The following CDH8 variants were observed in gnomAD, a reference collection of about 807,000 sequenced individuals.
CDH8 encodes cadherin 8.
Under a neutral mutation model 68.1 loss-of-function variants are expected in CDH8, and 17 were observed. The observed-to-expected ratio is 0.25, with a 90% CI of 0.17 to 0.37. The LOEUF (loss-of-function observed/expected upper bound fraction) is 0.37, where lower values mean the gene tolerates loss of function less well. Among genes scored for constraint, CDH8 ranks in the 10% least tolerant of loss-of-function variants. The pLI is 1.00. For missense variants in CDH8, 763 were observed against 999.3 expected (o/e 0.76, Z 3.19); for synonymous variants, 372 against 365.1 (o/e 1.02, Z -0.21).
intron 8 of CDH8, among the ~76,000 whole-genome samples, chr16:61,782,506 T>C (rs1961099538): frequency 6.6e-6 from 1 of 151,778 alleles, no homozygotes; most frequent in South Asian, 2.1e-4. Flanking sequence ...GCAGCGAGGC[T>C]GGGGGAGGGG....
intron 10 of CDH8, among the ~76,000 whole-genome samples, chr16:61,696,655 A>T (rs8061458): frequency 0.058 from 8,889 of 152,266 alleles, 905 homozygotes; most frequent in African/African-American, 0.2. Flanking sequence ...GGACACATGC[A>T]TGCACTATCA....
At chr16:61,916,000 G>A (rs79019109) in intron 2 of CDH8, among the ~76,000 whole-genome samples, 21,573 of 152,118 alleles carry the variant, frequency 0.14, 2,176 homozygotes, top group East Asian at 0.3. Context: ...AATACCACCC[G>A]TTAACAAATA....
intron 9 of CDH8, among the ~76,000 whole-genome samples, chr16:61,715,619 T>A (rs1440327531): frequency 1.3e-5 from 2 of 151,624 alleles, no homozygotes; most frequent in Non-Finnish European, 3.0e-5. Context: ...GATAAATCTT[T>A]TATAAATGTA....
intron 2 of CDH8, among the ~76,000 whole-genome samples, chr16:62,005,732 CT>C (rs1245020214): frequency 2.2e-5 from 2 of 90,600 alleles, no homozygotes; most frequent in Non-Finnish European, 2.2e-5. Context: ...TAGACTTCGT[CT>C]TAAAAAAAAA....
chr16:61,680,907 G>A (rs931674499), intron 10 of CDH8, among the ~76,000 whole-genome samples: 8 of 151,674 alleles, frequency 5.3e-5, no homozygotes, highest in African/African-American at 1.9e-4. Flanking sequence ...TTTAGTACAG[G>A]GCAAAGGGCA....
At chr16:61,690,465 T>A (rs768349682) in intron 10 of CDH8, among the ~76,000 whole-genome samples, 54 of 152,104 alleles carry the variant, frequency 3.6e-4, no homozygotes, top group Non-Finnish European at 4.9e-4. Flanking sequence ...AAAAATGAGG[T>A]TTTAAGGAAT....
chr16:61,816,719 G>A (rs887149762), intron 7 of CDH8, among the ~76,000 whole-genome samples: 4 of 151,856 alleles, frequency 2.6e-5, no homozygotes, highest in Non-Finnish European at 5.9e-5. Context: ...AACCTGTACT[G>A]TCATTTGGGT....
intron 10 of CDH8, among the ~76,000 whole-genome samples, chr16:61,678,646 C>G (rs1963959116): frequency 6.6e-6 from 1 of 151,968 alleles, no homozygotes; most frequent in Admixed American, 6.6e-5. Flanking sequence ...AAGAACAAAG[C>G]TGGAGGTATC....
rs115243986 is a variant in CDH8, at chr16:61,919,803, A to G, written c.253-18330T>C. ...AGGCAGGCCAACGAACAAAGAACAA[A>G]GAAACAAAAGAACAAAGCTGGAGGC... On this transcript the variant is annotated intron_variant, in intron 2 of 11. Transcript: ENST00000577390. 8.4e-3 allele frequency among the ~76,000 whole-genome samples: 1,284 copies of G among 152,220 alleles called. 16 individuals are homozygous for G. Among genetic ancestry groups the G allele is most frequent in the African/African-American group, 0.029 (1,206 of 41,538 alleles).
At chr16:61,715,474 T>A (rs1964711184) in intron 9 of CDH8, among the ~76,000 whole-genome samples, 1 of 151,648 alleles carries the variant, frequency 6.6e-6, no homozygotes, top group Non-Finnish European at 1.5e-5. Flanking sequence ...GTGTTTTGAT[T>A]ATGGATTTAA....
intron 2 of CDH8, among the ~76,000 whole-genome samples, chr16:61,927,748 C>T (rs1964477703): frequency 6.6e-6 from 1 of 152,122 alleles, no homozygotes; most frequent in Non-Finnish European, 1.5e-5. Context: ...GTTGTGATGC[C>T]TCAGTAGACA....
intron 4 of CDH8, among the ~76,000 whole-genome samples, chr16:61,853,712 C>T (rs933532181): frequency 1.2e-4 from 18 of 152,144 alleles, no homozygotes; most frequent in East Asian, 7.7e-4. Flanking sequence ...TCTTAGGTAA[C>T]GAGTCTCTGC....
chr16:61,661,605 A>G (rs1331071699), intron 10 of CDH8, among the ~76,000 whole-genome samples: 1 of 151,846 alleles, frequency 6.6e-6, no homozygotes, highest in Non-Finnish European at 1.5e-5. Flanking sequence ...CTTAGAGGGA[A>G]ATTTATAGCT....
chr16:61,951,308 G>A (rs1028260226), intron 2 of CDH8, among the ~76,000 whole-genome samples: 2 of 151,834 alleles, frequency 1.3e-5, no homozygotes, highest in African/African-American at 4.8e-5. Context: ...TCAGGAGATC[G>A]AGACCATCCT....
intron 1 of CDH8, among the ~76,000 whole-genome samples, chr16:62,031,504 C>A (rs368498915): frequency 6.6e-6 from 1 of 152,102 alleles, no homozygotes; most frequent in Non-Finnish European, 1.5e-5. Context: ...TAGCCCTGAA[C>A]CATCCATCGT....
chr16:61,907,402 G>A (rs902268368), intron 2 of CDH8, among the ~76,000 whole-genome samples: 2 of 152,156 alleles, frequency 1.3e-5, no homozygotes, highest in African/African-American at 2.4e-5. Context: ...CTAAGGGCCA[G>A]ACATGGTGGT....
chr16:62,027,922 A>T (rs771361374), intron 1 of CDH8, among the ~76,000 whole-genome samples: 10 of 152,026 alleles, frequency 6.6e-5, no homozygotes, highest in Non-Finnish European at 1.5e-4. Flanking sequence ...TGCACATATT[A>T]TTTTGTGTAT....
At chr16:61,815,705 T>C (rs1217319934) in intron 7 of CDH8, among the ~76,000 whole-genome samples, 1 of 152,150 alleles carries the variant, frequency 6.6e-6, no homozygotes, top group East Asian at 1.9e-4. Flanking sequence ...AATCAAGCAC[T>C]AAAACCGGTC....
intron 1 of CDH8, among the ~76,000 whole-genome samples, chr16:62,026,229 G>C (rs1416495302): frequency 6.6e-6 from 1 of 152,168 alleles, no homozygotes; most frequent in African/African-American, 2.4e-5. Context: ...ACCCAATAAA[G>C]AGCCAATGCT....
Sources: gnomAD v4.1 joint callset for allele counts (sites outside exome capture counted in the v4.1 genomes callset) on GRCh38, gnomAD v4.1.1 for gene constraint, MANE v1.5 for transcripts, NCBI Gene and HGNC (gene_info 2026-07-23, HGNC 2026-07-21) for gene names.